Variants in TAF3 observed in about 807,000 individuals in gnomAD.
The protein encoded by TAF3 is transcription initiation factor TFIID subunit 3.
Under a neutral mutation model 80.6 loss-of-function variants are expected in TAF3, and 7 were observed. The observed-to-expected ratio is 0.09, with a 90% confidence interval of 0.05 to 0.16. TAF3 has a LOEUF of 0.16. TAF3 is among the 10% of genes least tolerant of loss of function. The pLI, the probability that TAF3 is intolerant of heterozygous loss-of-function variation, is 1.00. For missense variants in TAF3, 921 were observed against 1,140.2 expected (o/e 0.81, Z 2.77); for synonymous variants, 444 against 446.1 (o/e 1.00, Z 0.06).
In TAF3 at chr10:8,014,915, A is replaced by C; in HGVS notation, c.*164A>C. The C allele has an allele frequency of 1.7e-6, 1 of 580,696 alleles. No homozygotes were observed. The highest frequency in any genetic ancestry group is 3.2e-5 in the East Asian group (1 of 31,102). 36.0% of individuals were successfully genotyped at this position (580,696 alleles called of 1,614,324 possible). On this transcript the variant is annotated 3_prime_UTR_variant, in exon 7 of 7. Coordinates refer to ENST00000344293, the MANE Select transcript of TAF3 (RefSeq NM_031923.4). ...AACACACCGCGCACCTGGATTGTTC[A>C]CTCCCGAGCCGCCTTGGCCTGTGGC...
chr10:7,819,748 T>C (rs1836671267), intron 1 of TAF3, among the ~76,000 whole-genome samples: 1 of 152,224 alleles, frequency 6.6e-6, no homozygotes, highest in Non-Finnish European at 1.5e-5. Context: ...CAAGTCATGA[T>C]GTTTAAGGTG....
At chr10:7,878,727 ATGTATGTATG>A (rs1837332939) in intron 2 of TAF3, among the ~76,000 whole-genome samples, 1 of 150,062 alleles carries the variant, frequency 6.7e-6, no homozygotes, top group Admixed American at 6.6e-5. Flanking sequence ...GTATGTATGT[ATGTATGTATG>A]TATGTATATG....
chr10:7,870,433 G>A (rs1039001331), intron 2 of TAF3, among the ~76,000 whole-genome samples: 1 of 152,104 alleles, frequency 6.6e-6, no homozygotes, highest in Non-Finnish European at 1.5e-5. Flanking sequence ...TCTTCCAGTG[G>A]TCGGTTAGAA....
At chr10:7,983,193 C>T (rs890206757) in intron 4 of TAF3, among the ~76,000 whole-genome samples, 8 of 152,298 alleles carry the variant, frequency 5.3e-5, no homozygotes, top group South Asian at 2.1e-4. Flanking sequence ...GGCGAAGCCC[C>T]GCTTCCCGGG....
chr10:7,864,416 A>G lies in TAF3; in HGVS notation c.409+39856A>G, dbSNP rs1837188951. ...AACTCTAACAAATGCATTGTGTCAC[A>G]TAGTTAACTCTTTGTGGTAAGGGCA... On this transcript the variant is annotated intron_variant, in intron 2 of 6. Coordinates refer to ENST00000344293, the MANE Select transcript of TAF3 (RefSeq NM_031923.4). 2.6e-5 allele frequency among the ~76,000 whole-genome samples: 4 copies of G among 152,336 alleles called. 1 individual carries two copies. The South Asian group carries it at 8.3e-4, about 32-fold the overall frequency.
chr10:7,873,279 G>A (rs1837283694), intron 2 of TAF3, among the ~76,000 whole-genome samples: 1 of 151,822 alleles, frequency 6.6e-6, no homozygotes. Flanking sequence ...AGTTGGCTCT[G>A]TTGAAATTGT....
intron 2 of TAF3, among the ~76,000 whole-genome samples, chr10:7,878,021 CA>C (rs1227443135): frequency 6.6e-6 from 1 of 152,140 alleles, no homozygotes; most frequent in East Asian, 1.9e-4. Context: ...ATTCAGTAAA[CA>C]TTTTTTTTAA....
chr10:8,011,286 C>G (rs1832053485), intron 5 of TAF3, among the ~76,000 whole-genome samples: 1 of 152,036 alleles, frequency 6.6e-6, no homozygotes. Flanking sequence ...GGTAGTCTCA[C>G]TCTTCTTGTC....
intron 2 of TAF3, among the ~76,000 whole-genome samples, chr10:7,825,663 G>A (rs11255382): frequency 0.17 from 25,901 of 152,102 alleles, 2,664 homozygotes; most frequent in East Asian, 0.52. Flanking sequence ...AGCCTGTGTC[G>A]GGATTTCGTT....
At chr10:7,906,919 T>A (rs1837613142) in intron 2 of TAF3, among the ~76,000 whole-genome samples, 2 of 151,746 alleles carry the variant, frequency 1.3e-5, no homozygotes, top group South Asian at 4.2e-4. Flanking sequence ...TTTTGCCTCT[T>A]GACATTCCTA....
At chr10:7,846,966 G>GA (rs1469431039) in intron 2 of TAF3, among the ~76,000 whole-genome samples, 1 of 152,108 alleles carries the variant, frequency 6.6e-6, no homozygotes, top group Non-Finnish European at 1.5e-5. Context: ...AAAAGGACTG[G>GA]AAACACCTTC....
chr10:7,976,307 C>T (rs1831672185), intron 3 of TAF3, among the ~76,000 whole-genome samples: 1 of 151,204 alleles, frequency 6.6e-6, no homozygotes, highest in Non-Finnish European at 1.5e-5. Flanking sequence ...AGTGCAGTGG[C>T]ACAATCTCAG....
intron 2 of TAF3, among the ~76,000 whole-genome samples, chr10:7,908,851 C>G (rs1338596248): frequency 6.6e-6 from 1 of 152,246 alleles, no homozygotes; most frequent in African/African-American, 2.4e-5. Flanking sequence ...GCATCAGAAG[C>G]CTTTAGAGGC....
chr10:8,008,934 T>C, intron 4 of TAF3, 144 bp from the exon 5 acceptor site: 1 of 1,211,450 alleles, frequency 8.3e-7, no homozygotes, highest in Non-Finnish European at 1.1e-6. Context: ...ATGCAGGGCC[T>C]GGAACTCAGT....
chr10:7,902,582 A>G (rs1032561630), intron 2 of TAF3, among the ~76,000 whole-genome samples: 13 of 152,152 alleles, frequency 8.5e-5, no homozygotes, highest in African/African-American at 3.1e-4. Flanking sequence ...AGTGTGTTAC[A>G]TCAGGAGGCG....
intron 2 of TAF3, among the ~76,000 whole-genome samples, chr10:7,887,662 T>G (rs1837420994): frequency 6.6e-6 from 1 of 152,168 alleles, no homozygotes; most frequent in Non-Finnish European, 1.5e-5. Context: ...GGGAGTGTTT[T>G]GATGCTGAAT....
At chr10:7,923,269 G>A (rs2131190803) in intron 2 of TAF3, among the ~76,000 whole-genome samples, 1 of 150,856 alleles carries the variant, frequency 6.6e-6, no homozygotes, top group South Asian at 2.1e-4. Context: ...AAATAGAGTA[G>A]TGGTAAGAAC....
intron 2 of TAF3, among the ~76,000 whole-genome samples, chr10:7,865,940 C>T (rs547903915): frequency 2.4e-4 from 36 of 152,320 alleles, no homozygotes; most frequent in African/African-American, 7.7e-4. Context: ...TCCTCCCCAT[C>T]GTGTGTAACA....
intron 5 of TAF3, among the ~76,000 whole-genome samples, chr10:8,010,240 A>C (rs1040183589): frequency 3.9e-5 from 6 of 152,142 alleles, no homozygotes; most frequent in African/African-American, 1.4e-4. Flanking sequence ...TTTTCACTGC[A>C]TTTTCAAGCT....
Sources: gnomAD v4.1 joint callset for allele counts (sites outside exome capture counted in the v4.1 genomes callset) on GRCh38, gnomAD v4.1.1 for gene constraint, MANE v1.5 for transcripts, NCBI Gene and HGNC (gene_info 2026-07-23, HGNC 2026-07-21) for gene names.